The following ZBTB2 variants were observed in gnomAD, a reference collection of about 807,000 sequenced individuals.
ZBTB2 encodes zinc finger and BTB domain-containing protein 2.
ZBTB2 carries 2 observed loss-of-function variants against 39.5 expected under a neutral mutation model. The ratio of observed to expected loss-of-function variants is 0.05; its 90% CI spans 0.02 to 0.16. The LOEUF (loss-of-function observed/expected upper bound fraction) is 0.16, where lower values mean the gene tolerates loss of function less well. Among genes scored for constraint, ZBTB2 ranks in the 10% least tolerant of loss-of-function variants. The pLI is 1.00. For synonymous variants in ZBTB2, 251 were observed against 256.6 expected, an observed-to-expected ratio of 0.98 and a Z score of 0.21; for missense variants, 391 against 653.0, an observed-to-expected ratio of 0.60 and a Z score of 4.37.
At chr6:151,372,033 A>G (rs577283212) in intron 2 of ZBTB2, among the ~76,000 whole-genome samples, 1 of 152,326 alleles carries the variant, frequency 6.6e-6, no homozygotes, top group East Asian at 1.9e-4. Context: ...AGAGTTCTGG[A>G]GACAGAACAG....
chr6:151,390,365 C>T (rs1169513202), intron 1 of ZBTB2, among the ~76,000 whole-genome samples: 2 of 150,084 alleles, frequency 1.3e-5, no homozygotes, highest in African/African-American at 2.4e-5. Flanking sequence ...TGTCCCCGTC[C>T]CCGAGGGGCT....
At chr6:151,387,011 C>T (rs1487394794) in intron 1 of ZBTB2, among the ~76,000 whole-genome samples, 3 of 152,134 alleles carry the variant, frequency 2.0e-5, no homozygotes, top group African/African-American at 7.2e-5. Context: ...CTGGATTTTG[C>T]ATTTACTCCT....
At chr6:151,369,434 C>G (rs1301350759) in intron 2 of ZBTB2, among the ~76,000 whole-genome samples, 1 of 152,040 alleles carries the variant, frequency 6.6e-6, no homozygotes, top group African/African-American at 2.4e-5. Flanking sequence ...CTGACTGCAG[C>G]CTCAGCCTCC....
intron 1 of ZBTB2, among the ~76,000 whole-genome samples, chr6:151,380,083 A>C (rs1778998380): frequency 6.6e-6 from 1 of 152,160 alleles, no homozygotes; most frequent in African/African-American, 2.4e-5. Context: ...CAGGAAACAC[A>C]CTGAACATAA....
At chr6:151,370,066 G>C in intron 2 of ZBTB2, 1 of 971,646 alleles carries the variant, frequency 1.0e-6, no homozygotes, top group Non-Finnish European at 1.2e-6. Context: ...TCTTTTCCCA[G>C]TCCTGTGGAA....
At chr6:151,386,970 T>C (rs1019884347) in intron 1 of ZBTB2, among the ~76,000 whole-genome samples, 2 of 152,246 alleles carry the variant, frequency 1.3e-5, no homozygotes, top group African/African-American at 4.8e-5. Flanking sequence ...TGTCTTTTTA[T>C]ATTTTTGCAA....
intron 1 of ZBTB2, among the ~76,000 whole-genome samples, chr6:151,390,775 C>T (rs1433638985): frequency 3.4e-5 from 5 of 149,086 alleles, no homozygotes; most frequent in Non-Finnish European, 6.0e-5. Context: ...CTCCCTCCTC[C>T]CTCCCCTCCC....
chr6:151,377,190 G>A (rs1455049184), intron 1 of ZBTB2, among the ~76,000 whole-genome samples: 1 of 152,006 alleles, frequency 6.6e-6, no homozygotes, highest in South Asian at 2.1e-4. Flanking sequence ...GCATGGCTAT[G>A]GAAGGGCAAC....
rs1778647219 is a variant in ZBTB2, at chr6:151,366,284, C to T, written c.782G>A (p.Arg261Gln). ...TAAGCTGCTCCGGAGAGTGAAGCGC[C>T]GTCCACACAGGTGGCAGGCATAGTA... ...PKYYACHLCG[R>Q]RFTLRSSLRE... is the part of the protein sequence containing the mutation. Residue 261 changes from arginine to glutamine, a missense_variant, in exon 3 of 3, where the codon CGG becomes CAG. Arg to Gln is a conservative substitution (Grantham distance 43). Around this residue, in one of 7 missense-constraint regions of ZBTB2, gnomAD observed 80 missense variants for 125.2 expected, o/e 0.64. Transcript: ENST00000325144. The surrounding 1 kb of genome is among the most constrained non-coding windows in gnomAD (Gnocchi z 7.1). 3.1e-6 allele frequency: 5 copies of T among 1,614,040 alleles called. No homozygotes were observed. Among genetic ancestry groups the T allele is most frequent in the East Asian group, 2.2e-5 (1 of 44,842 alleles).
intron 2 of ZBTB2, among the ~76,000 whole-genome samples, chr6:151,372,834 G>A (rs913471887): frequency 2.6e-5 from 4 of 152,022 alleles, no homozygotes; most frequent in South Asian, 2.1e-4. Flanking sequence ...GGAAGGGTTC[G>A]CTGAGGTTGG....
chr6:151,386,635 GAAGAA>G (rs1779159063), intron 1 of ZBTB2, among the ~76,000 whole-genome samples: 2 of 152,210 alleles, frequency 1.3e-5, no homozygotes, highest in South Asian at 4.1e-4. Context: ...AAATTAATCT[GAAGAA>G]AATATAATCA....
chr6:151,372,796 G>C (rs902610149), intron 2 of ZBTB2, among the ~76,000 whole-genome samples: 1 of 152,090 alleles, frequency 6.6e-6, no homozygotes, highest in Non-Finnish European at 1.5e-5. Flanking sequence ...ATAGGGCTTA[G>C]ATAATGAGTC....
chr6:151,374,099 T>C (rs1381141041), intron 1 of ZBTB2, among the ~76,000 whole-genome samples: 1 of 151,922 alleles, frequency 6.6e-6, no homozygotes, highest in African/African-American at 2.4e-5. Context: ...ATTCTAATGA[T>C]GCATCAGAGT....
At chr6:151,388,498 T>C (rs1370225866) in intron 1 of ZBTB2, among the ~76,000 whole-genome samples, 3 of 152,230 alleles carry the variant, frequency 2.0e-5, no homozygotes, top group East Asian at 1.9e-4. Context: ...AATCACAGGA[T>C]TGCAAAGTAT....
intron 1 of ZBTB2, among the ~76,000 whole-genome samples, chr6:151,382,125 C>T (rs1440728781): frequency 6.6e-6 from 1 of 152,148 alleles, no homozygotes; most frequent in Non-Finnish European, 1.5e-5. Flanking sequence ...ATTTGTGTAT[C>T]TAAACAGCTA....
At chr6:151,391,100 C>A (rs1779295720) in intron 1 of ZBTB2, among the ~76,000 whole-genome samples, 2 of 148,682 alleles carry the variant, frequency 1.3e-5, no homozygotes, top group South Asian at 4.3e-4. Context: ...ATGGAGGCGC[C>A]GCCGACTCGC....
At chr6:151,390,960 G>A (rs2114890776) in intron 1 of ZBTB2, among the ~76,000 whole-genome samples, 1 of 150,266 alleles carries the variant, frequency 6.7e-6, no homozygotes, top group South Asian at 2.1e-4. Flanking sequence ...CGGTGGCGGC[G>A]GGAAGGGAGG....
chr6:151,385,828 C>T (rs1033298456), intron 1 of ZBTB2, among the ~76,000 whole-genome samples: 11 of 152,082 alleles, frequency 7.2e-5, no homozygotes, highest in Non-Finnish European at 1.6e-4. Context: ...AACCTGAAGG[C>T]TGGTCATTTG....
At chr6:151,388,065 A>AT (rs34664650) in intron 1 of ZBTB2, among the ~76,000 whole-genome samples, 55,800 of 148,686 alleles carry the variant, frequency 0.38, 12,494 homozygotes, top group East Asian at 0.68. Flanking sequence ...GAATGTTTAC[A>AT]TTTTTTTTTT....
Sources: gnomAD v4.1 joint callset for allele counts (sites outside exome capture counted in the v4.1 genomes callset) on GRCh38, gnomAD v4.1.1 for gene constraint, gnomAD v4.1.1 regional missense constraint, Gnocchi (gnomAD v3.1) non-coding constraint, MANE v1.5 for transcripts, NCBI Gene and HGNC (gene_info 2026-07-23, HGNC 2026-07-21) for gene names.